The following GPR176 variants were observed in gnomAD, a reference collection of about 807,000 sequenced individuals.
GPR176 encodes G-protein coupled receptor 176.
GPR176 carries 26 observed loss-of-function variants against 35.4 expected under a neutral mutation model. That is an observed-to-expected ratio of 0.74 (90% confidence interval 0.54 to 1.02). GPR176 has a LOEUF of 1.02. GPR176 is among the 50% of genes least tolerant of loss of function. The pLI is 0.00. For missense variants in GPR176, 597 were observed against 665.3 expected, an observed-to-expected ratio of 0.90 and a Z score of 1.13; for synonymous variants, 278 against 271.3, an observed-to-expected ratio of 1.02 and a Z score of -0.24.
At position 39,881,236 on chromosome 15, in the gene GPR176, C is replaced by T. The variant is rs555274985; in HGVS notation, c.172+38619G>A. Among the ~76,000 whole-genome samples the T allele has an allele frequency of 3.2e-4, 49 of 152,294 alleles. 1 individual carries two copies. In the South Asian group the frequency reaches 3.7e-3, roughly 12 times the overall value. On this transcript the variant is annotated intron_variant, in intron 1 of 2. Transcript: ENST00000561100. ...CTGTCTTCCCCAACAGACCATAAACCGGCTCCCTGGGGAAGCAACTGAATC... is the reference window on the plus strand; with the variant it reads ...CTGTCTTCCCCAACAGACCATAAACTGGCTCCCTGGGGAAGCAACTGAATC...
At chr15:39,860,715 A>T (rs2031533287) in intron 1 of GPR176, 1 of 152,266 alleles carries the variant, frequency 6.6e-6, no homozygotes, top group South Asian at 2.1e-4. Context: ...GCCGATGAGG[A>T]TTTTAGGCTG....
At chr15:39,846,505 A>T (rs776810205) in intron 1 of GPR176, among the ~76,000 whole-genome samples, 3 of 152,242 alleles carry the variant, frequency 2.0e-5, no homozygotes, top group Non-Finnish European at 4.4e-5. Context: ...ATCTTCTATC[A>T]TAGTGGTATC....
At chr15:39,820,919 T>C in intron 1 of GPR176, among the ~76,000 whole-genome samples, 1 of 152,212 alleles carries the variant, frequency 6.6e-6, no homozygotes, top group African/African-American at 2.4e-5. Flanking sequence ...CATTTCCCAG[T>C]GACTTTAAGC....
At chr15:39,881,172 T>C (rs7164868) in intron 1 of GPR176, among the ~76,000 whole-genome samples, 149,147 of 152,316 alleles carry the variant, frequency 0.98, 73,047 homozygotes, top group East Asian at 1. Context: ...GTCTCCAGCA[T>C]TGCACTTAGC....
intron 1 of GPR176, among the ~76,000 whole-genome samples, chr15:39,815,613 C>G (rs1899848245): frequency 6.6e-6 from 1 of 152,196 alleles, no homozygotes; most frequent in Admixed American, 6.5e-5. Flanking sequence ...CATGAAACAT[C>G]TCAGATTAAG....
intron 1 of GPR176, among the ~76,000 whole-genome samples, chr15:39,908,304 C>T (rs1249788580): frequency 2.0e-5 from 3 of 152,212 alleles, no homozygotes; most frequent in Admixed American, 1.3e-4. Context: ...GCTCAATTCT[C>T]CAGGCTCTGG....
At chr15:39,857,897 G>A (rs1302075107) in intron 1 of GPR176, among the ~76,000 whole-genome samples, 2 of 151,290 alleles carry the variant, frequency 1.3e-5, no homozygotes, top group Non-Finnish European at 2.9e-5. Flanking sequence ...CGTGAACCTG[G>A]GAGGTGGAGC....
intron 1 of GPR176, chr15:39,813,422 G>C (rs533169355): frequency 2.5e-4 from 38 of 152,216 alleles, no homozygotes; most frequent in Admixed American, 2.5e-3. Flanking sequence ...GAGTATTTTT[G>C]CTGAGGATAA....
chr15:39,853,897 C>T (rs1303247221), intron 1 of GPR176, among the ~76,000 whole-genome samples: 20 of 152,062 alleles, frequency 1.3e-4, no homozygotes, highest in Admixed American at 1.2e-3. Context: ...AGCTCAGAGC[C>T]TTAAAAATGT....
At chr15:39,834,154 T>C (rs1456071403) in intron 1 of GPR176, among the ~76,000 whole-genome samples, 2 of 152,286 alleles carry the variant, frequency 1.3e-5, no homozygotes, top group African/African-American at 4.8e-5. Flanking sequence ...TAATAACAAA[T>C]CACAGGCAAA....
intron 1 of GPR176, among the ~76,000 whole-genome samples, chr15:39,850,248 G>T (rs58436679): frequency 0.033 from 5,055 of 152,136 alleles, 298 homozygotes; most frequent in African/African-American, 0.11. Context: ...TTGCACTATG[G>T]CATTACAATG....
intron 1 of GPR176, among the ~76,000 whole-genome samples, chr15:39,911,324 T>C (rs182890787): frequency 1.1e-4 from 17 of 152,292 alleles, no homozygotes; most frequent in African/African-American, 3.8e-4. Flanking sequence ...TAATAAACCA[T>C]TGTTACAAAC....
At chr15:39,916,568 T>C (rs947289223) in intron 1 of GPR176, among the ~76,000 whole-genome samples, 3 of 152,164 alleles carry the variant, frequency 2.0e-5, no homozygotes, top group Non-Finnish European at 4.4e-5. Flanking sequence ...AAATGAATTA[T>C]TTTCACATAA....
At chr15:39,893,728 G>A (rs1211720888) in intron 1 of GPR176, among the ~76,000 whole-genome samples, 5 of 148,438 alleles carry the variant, frequency 3.4e-5, no homozygotes, top group Non-Finnish European at 7.6e-5. Flanking sequence ...TGGCCGGGCG[G>A]GGGGCTGACC....
chr15:39,919,938 G>A lies in GPR176; in HGVS notation c.89C>T (p.Ala30Val). The stretch of plus-strand genomic sequence containing the variant: ...CTGCGCCTCGCCGAACTCCCCGAGC[G>A]CGCTGCGGTTCACACCCGCAGCCTC... ...GAEAAGVNRSALGEFGEAQLY... is the reference protein window; with the variant it reads ...GAEAAGVNRSVLGEFGEAQLY... The change falls in exon 1 of 3, where the codon GCG (alanine) becomes GTG (valine). Residue 30 changes from alanine (A) to valine (V), a missense_variant. Around this residue, in one of 3 missense-constraint regions of GPR176, gnomAD observed 126 missense variants for 112.4 expected, o/e 1.12. Coordinates refer to ENST00000561100, the MANE Select transcript of GPR176 (RefSeq NM_007223.3). 2 of 1,518,224 alleles carry A rather than the reference G, an allele frequency of 1.3e-6. No individual in the cohort carries two copies. The highest frequency in any genetic ancestry group is 2.3e-5 in the Admixed American group (1 of 44,346). 94.0% of individuals were successfully genotyped at this position (1,518,224 alleles called of 1,614,324 possible).
chr15:39,890,272 C>T (rs2032823510), intron 1 of GPR176, among the ~76,000 whole-genome samples: 1 of 152,220 alleles, frequency 6.6e-6, no homozygotes, highest in African/African-American at 2.4e-5. Context: ...CAAGTGCCAA[C>T]TTATTTTGTA....
chr15:39,853,803 T>C (rs1260491467), intron 1 of GPR176, among the ~76,000 whole-genome samples: 1 of 152,138 alleles, frequency 6.6e-6, no homozygotes, highest in Non-Finnish European at 1.5e-5. Flanking sequence ...AACAAAAAAT[T>C]ATCTGGTCCC....
chr15:39,845,027 G>A (rs2030318975), intron 1 of GPR176, among the ~76,000 whole-genome samples: 1 of 152,104 alleles, frequency 6.6e-6, no homozygotes, highest in Admixed American at 6.6e-5. Context: ...CGGCACCAGG[G>A]AGGCAACACC....
intron 1 of GPR176, among the ~76,000 whole-genome samples, chr15:39,808,353 C>G (rs1022516261): frequency 1.3e-5 from 2 of 152,200 alleles, no homozygotes; most frequent in African/African-American, 4.8e-5. Flanking sequence ...GCTCCAGCCA[C>G]TCTAGTCTTT....
Sources: gnomAD v4.1 joint callset for allele counts (sites outside exome capture counted in the v4.1 genomes callset) on GRCh38, gnomAD v4.1.1 for gene constraint, gnomAD v4.1.1 regional missense constraint, MANE v1.5 for transcripts, NCBI Gene and HGNC (gene_info 2026-07-23, HGNC 2026-07-21) for gene names.